Variants in FOXO3 observed in about 807,000 individuals in gnomAD.
FOXO3 encodes the protein forkhead box protein O3.
A neutral mutation model predicts 41.9 loss-of-function variants in FOXO3; 4 were observed. That is an observed-to-expected ratio of 0.10 (90% CI 0.05 to 0.22). The LOEUF is 0.22. Ranked by LOEUF, FOXO3 falls within the 10% of genes least tolerant of loss-of-function variation. The probability of loss-of-function intolerance (pLI) is 1.00; values close to 1 mark genes in which losing one functional copy is unlikely to be tolerated. For synonymous variants in FOXO3, 318 were observed against 389.3 expected, an observed-to-expected ratio of 0.82 and a Z score of 2.16; for missense variants, 534 against 906.8, an observed-to-expected ratio of 0.59 and a Z score of 5.28.
At chr6:108,598,489 C>G (rs775138309) in intron 1 of FOXO3, among the ~76,000 whole-genome samples, 3 of 152,142 alleles carry the variant, frequency 2.0e-5, no homozygotes, top group Non-Finnish European at 2.9e-5. Context: ...ACGCACTGAC[C>G]CATTGCTCTG....
chr6:108,625,834 G>A (rs763770940), intron 1 of FOXO3, among the ~76,000 whole-genome samples: 15 of 152,286 alleles, frequency 9.8e-5, no homozygotes, highest in Non-Finnish European at 2.1e-4. Context: ...TTGTTTAAGT[G>A]AGATTATGTA....
intron 1 of FOXO3, among the ~76,000 whole-genome samples, chr6:108,630,785 G>A (rs1380148766): frequency 1.3e-5 from 2 of 152,142 alleles, no homozygotes; most frequent in East Asian, 3.9e-4. Context: ...CTTTTTAAGG[G>A]AAGAAGGAAA....
At position 108,684,050 on chromosome 6, in the gene FOXO3, A is replaced by C. The variant is rs1290627345; in HGVS notation, c.*4258A>C. On this transcript the variant is annotated 3_prime_UTR_variant, in exon 3 of 3. Transcript: ENST00000406360. The stretch of plus-strand genomic sequence containing the variant: ...TGAATGGAATATTTTCCTCTTGTTT[A>C]GTTGTATCTGTTTGTATTTTTCTTT... The C allele has an allele frequency of 7.2e-5, 11 of 152,720 alleles. No individual in the cohort carries two copies. The highest frequency in any genetic ancestry group is 1.2e-4 in the African/African-American group (5 of 41,562). The allele number at this position is 152,720 out of a possible 1,614,324, so 9.5% of individuals were successfully genotyped here. A position where few individuals can be genotyped will look rare whatever the true frequency, so the allele number is the denominator to read the frequency against.
At chr6:108,584,412 A>T (rs1023503030) in intron 1 of FOXO3, among the ~76,000 whole-genome samples, 1 of 152,326 alleles carries the variant, frequency 6.6e-6, no homozygotes, top group Non-Finnish European at 1.5e-5. Context: ...TCCTTGCAGA[A>T]GTTTTGCAAC....
intron 1 of FOXO3, among the ~76,000 whole-genome samples, chr6:108,613,597 A>G (rs115664686): frequency 0.016 from 2,401 of 152,164 alleles, 60 homozygotes; most frequent in African/African-American, 0.055. Context: ...CCTGATGTTG[A>G]TAATTTGTCT....
At chr6:108,633,219 A>G (rs773462699) in intron 1 of FOXO3, among the ~76,000 whole-genome samples, 1 of 152,170 alleles carries the variant, frequency 6.6e-6, no homozygotes, top group Non-Finnish European at 1.5e-5. Flanking sequence ...ATTCTCATTT[A>G]TAAATTAGAA....
chr6:108,670,440 G>A (rs553999234), intron 2 of FOXO3, among the ~76,000 whole-genome samples: 2 of 150,780 alleles, frequency 1.3e-5, no homozygotes, highest in African/African-American at 2.4e-5. Flanking sequence ...AATGTTTCTC[G>A]GAATACTAGA....
chr6:108,604,763 T>C (rs1263309871), intron 1 of FOXO3, among the ~76,000 whole-genome samples: 1 of 152,140 alleles, frequency 6.6e-6, no homozygotes, highest in East Asian at 1.9e-4. Flanking sequence ...GTTTGGACCC[T>C]TTTTTAAGTA....
intron 1 of FOXO3, among the ~76,000 whole-genome samples, chr6:108,658,132 C>CT (rs1478115260): frequency 1.3e-5 from 2 of 152,136 alleles, no homozygotes; most frequent in Admixed American, 6.5e-5. Context: ...GAATCATGAC[C>CT]TGTGAGGAAA....
chr6:108,648,742 C>T (rs1228004944), intron 1 of FOXO3, among the ~76,000 whole-genome samples: 2 of 152,068 alleles, frequency 1.3e-5, no homozygotes, highest in Non-Finnish European at 2.9e-5. Context: ...CACCTGTAAT[C>T]CCAGCACTTT....
intron 1 of FOXO3, among the ~76,000 whole-genome samples, chr6:108,568,213 CTCTT>C (rs1212177053): frequency 1.3e-5 from 2 of 148,172 alleles, no homozygotes; most frequent in African/African-American, 5.1e-5. Flanking sequence ...CCCTCTCTCT[CTCTT>C]TTTTTTTTTT....
chr6:108,673,221 T>C (rs1318947727), intron 2 of FOXO3, among the ~76,000 whole-genome samples: 1 of 152,050 alleles, frequency 6.6e-6, no homozygotes, highest in African/African-American at 2.4e-5. Flanking sequence ...CAGGTTCTAC[T>C]CAGACTGCCC....
chr6:108,590,490 T>G (rs1311425549), intron 1 of FOXO3, among the ~76,000 whole-genome samples: 1 of 152,210 alleles, frequency 6.6e-6, no homozygotes, highest in Non-Finnish European at 1.5e-5. Context: ...TGAAATTATC[T>G]TCAGGCTATG....
intron 1 of FOXO3, among the ~76,000 whole-genome samples, chr6:108,615,561 C>T: frequency 6.6e-6 from 1 of 151,164 alleles, no homozygotes. Flanking sequence ...TTAATTACAT[C>T]TGTTCTTTTT....
At chr6:108,563,574 T>A (rs1035392251) in intron 1 of FOXO3, among the ~76,000 whole-genome samples, 6 of 152,228 alleles carry the variant, frequency 3.9e-5, no homozygotes, top group Non-Finnish European at 8.8e-5. Flanking sequence ...TCGAAATGTT[T>A]TTCAGATTTC....
At chr6:108,659,388 A>G (rs1319316883) in intron 1 of FOXO3, among the ~76,000 whole-genome samples, 2 of 152,182 alleles carry the variant, frequency 1.3e-5, no homozygotes, top group African/African-American at 4.8e-5. Context: ...ATAATTTGGT[A>G]AGAGGCCTAT....
At chr6:108,637,887 C>T (rs1200621027) in intron 1 of FOXO3, among the ~76,000 whole-genome samples, 1 of 152,132 alleles carries the variant, frequency 6.6e-6, no homozygotes, top group Non-Finnish European at 1.5e-5. Flanking sequence ...TTGAAATCCT[C>T]AGGAGTATTA....
chr6:108,619,552 A>C (rs1015728338), intron 1 of FOXO3, among the ~76,000 whole-genome samples: 2 of 152,244 alleles, frequency 1.3e-5, no homozygotes, highest in Non-Finnish European at 2.9e-5. Flanking sequence ...TCAGAAACTG[A>C]AAGTGGAATA....
At chr6:108,590,421 C>T (rs1034977939) in intron 1 of FOXO3, among the ~76,000 whole-genome samples, 3 of 152,182 alleles carry the variant, frequency 2.0e-5, no homozygotes, top group African/African-American at 4.8e-5. Flanking sequence ...CATCCAATCT[C>T]ATGTAAGGGG....
Sources: gnomAD v4.1 joint callset for allele counts (sites outside exome capture counted in the v4.1 genomes callset) on GRCh38, gnomAD v4.1.1 for gene constraint, MANE v1.5 for transcripts, NCBI Gene and HGNC (gene_info 2026-07-23, HGNC 2026-07-21) for gene names.